CNTN4: variants seen among roughly 807,000 people sequenced by gnomAD.
The protein encoded by CNTN4 is contactin 4, also known as contactin-4.
A neutral mutation model predicts 122.5 loss-of-function variants in CNTN4; 77 were observed. That is an observed-to-expected ratio of 0.63 (90% confidence interval 0.52 to 0.76). The LOEUF is 0.76. Ranked by LOEUF, CNTN4 falls within the 30% of genes least tolerant of loss-of-function variation. The probability of loss-of-function intolerance (pLI) is 0.00; values close to 1 mark genes in which losing one functional copy is unlikely to be tolerated. For missense variants in CNTN4, 1,256 were observed against 1,259.1 expected (o/e 1.00, Z 0.04); for synonymous variants, 512 against 447.0 (o/e 1.15, Z -1.83).
At chr3:2,135,264 A>T (rs2034635554) in intron 2 of CNTN4, among the ~76,000 whole-genome samples, 1 of 152,094 alleles carries the variant, frequency 6.6e-6, no homozygotes, top group African/African-American at 2.4e-5. Flanking sequence ...ACAGGAAGAG[A>T]TGGGGTTAAA....
chr3:2,565,285 G>T (rs1190384699), intron 3 of CNTN4, among the ~76,000 whole-genome samples: 1 of 152,124 alleles, frequency 6.6e-6, no homozygotes, highest in Non-Finnish European at 1.5e-5. Flanking sequence ...ATAATCTAAT[G>T]ATAAAAACCA....
At chr3:2,929,741 G>A (rs377409163) in intron 13 of CNTN4, among the ~76,000 whole-genome samples, 3 of 152,110 alleles carry the variant, frequency 2.0e-5, no homozygotes, top group Non-Finnish European at 2.9e-5. Context: ...CCAATGTATC[G>A]CAATGTCCAC....
At chr3:2,778,079 TG>T (rs71621502) in intron 6 of CNTN4, among the ~76,000 whole-genome samples, 2 of 146,852 alleles carry the variant, frequency 1.4e-5, no homozygotes, top group African/African-American at 2.6e-5. Flanking sequence ...CCGGGCGTGG[TG>T]GCGGGCGCCT....
At chr3:2,116,792 T>G (rs2125169365) in intron 2 of CNTN4, among the ~76,000 whole-genome samples, 1 of 152,304 alleles carries the variant, frequency 6.6e-6, no homozygotes, top group Non-Finnish European at 1.5e-5. Context: ...AAAGACTCTT[T>G]ACTAAACATC....
Position 2,283,145 on chromosome 3 carries a change from C to T in CNTN4, c.-144-56033C>T, listed in dbSNP as rs565271356. Among the ~76,000 whole-genome samples, 11 of 152,052 alleles carry T rather than the reference C, an allele frequency of 7.2e-5. No individual in the cohort carries two copies. In the South Asian group the frequency reaches 1.7e-3, roughly 23 times the overall value. ...AGGTTAAATGGTAAATGTTACATTA[C>T]GTGAATTTTATCTCTAAAAGCATTT... is the stretch of plus-strand genomic sequence containing the variant. On this transcript the variant is annotated intron_variant, in intron 2 of 24. Transcript: ENST00000418658.
At position 2,835,026 on chromosome 3, in the gene CNTN4, T is replaced by C. The variant is rs184509435; in HGVS notation, c.454+15445T>C. On this transcript the variant is annotated intron_variant, in intron 7 of 24. Transcript: ENST00000418658. ...TTCACACCATTCTCCTGCTTCAGCC[T>C]TCCCAGTAGCTGGGACTACAGGCGC... 6.7e-3 allele frequency among the ~76,000 whole-genome samples: 994 copies of C among 148,300 alleles called. 6 individuals are homozygous for C. The highest frequency in any genetic ancestry group is 0.023 in the East Asian group (112 of 4,790).
chr3:2,410,205 C>G (rs1559527950), intron 3 of CNTN4, among the ~76,000 whole-genome samples: 1 of 152,032 alleles, frequency 6.6e-6, no homozygotes, highest in Non-Finnish European at 1.5e-5. Context: ...GATGGAGGAC[C>G]CTCCCATGAA....
intron 3 of CNTN4, among the ~76,000 whole-genome samples, chr3:2,567,335 C>G (rs1018952660): frequency 6.6e-6 from 1 of 151,862 alleles, no homozygotes; most frequent in East Asian, 1.9e-4. Flanking sequence ...ATCCACCCAC[C>G]TCGGCCTCCC....
chr3:2,872,237 G>T (rs904830246), intron 8 of CNTN4, among the ~76,000 whole-genome samples: 44 of 152,278 alleles, frequency 2.9e-4, no homozygotes, highest in African/African-American at 1.1e-3. Flanking sequence ...TGGCTCTTCT[G>T]TCTTTAGCCA....
Position 2,402,282 on chromosome 3 carries a change from G to A in CNTN4, c.-89+63049G>A, listed in dbSNP as rs372901996. ...ACAGAATCTCTCTTATGAGCTTAGG[G>A]ATAAATATTGGGACTTAGACCAAAC... On this transcript the variant is annotated intron_variant, in intron 3 of 24. Coordinates refer to ENST00000418658, the MANE Select transcript of CNTN4 (RefSeq NM_175607.3). 9.2e-5 allele frequency among the ~76,000 whole-genome samples: 14 copies of A among 152,200 alleles called. 1 individual carries two copies. In the South Asian group the frequency reaches 2.7e-3, roughly 29 times the overall value.
At chr3:3,029,685 G>A (rs951290113) in intron 15 of CNTN4, among the ~76,000 whole-genome samples, 1 of 152,124 alleles carries the variant, frequency 6.6e-6, no homozygotes, top group African/African-American at 2.4e-5. Context: ...GGACTATATG[G>A]GTTCAAATCC....
intron 3 of CNTN4, among the ~76,000 whole-genome samples, chr3:2,400,418 T>TATATATAC (rs1553640888): frequency 3.1e-5 from 2 of 64,144 alleles, no homozygotes; most frequent in African/African-American, 4.5e-5. Context: ...TATATATATA[T>TATATATAC]ATATATATAC....
chr3:2,189,171 T>C, intron 2 of CNTN4, among the ~76,000 whole-genome samples: 1 of 152,198 alleles, frequency 6.6e-6, no homozygotes, highest in Non-Finnish European at 1.5e-5. Context: ...AAATGCTTAT[T>C]GACATCCAGG....
intron 24 of CNTN4, 30 bp downstream of exon 24, chr3:3,054,005 C>A (rs775913695): frequency 1.9e-6 from 3 of 1,610,770 alleles, no homozygotes; most frequent in East Asian, 4.5e-5. Context: ...TCCCTTTTCT[C>A]CTGCCTGTCT....
intron 12 of CNTN4, among the ~76,000 whole-genome samples, chr3:2,925,379 C>T (rs558845258): frequency 4.6e-5 from 7 of 152,104 alleles, no homozygotes; most frequent in South Asian, 2.1e-4. Context: ...CATGGTGAAA[C>T]GCCATCACTA....
intron 3 of CNTN4, among the ~76,000 whole-genome samples, chr3:2,355,641 G>A (rs1190786893): frequency 6.6e-6 from 1 of 151,970 alleles, no homozygotes; most frequent in Non-Finnish European, 1.5e-5. Flanking sequence ...TTTCATCTTT[G>A]CAGTTTCTTC....
intron 3 of CNTN4, among the ~76,000 whole-genome samples, chr3:2,415,614 A>G (rs2047383304): frequency 6.6e-6 from 1 of 152,176 alleles, no homozygotes; most frequent in African/African-American, 2.4e-5. Context: ...TGCTTGGTAT[A>G]CATTTCTGTG....
intron 6 of CNTN4, among the ~76,000 whole-genome samples, chr3:2,768,015 G>C (rs1232302413): frequency 6.6e-6 from 1 of 152,168 alleles, no homozygotes; most frequent in South Asian, 2.1e-4. Context: ...TGTTACATTT[G>C]GTTGAGGCTT....
intron 2 of CNTN4, among the ~76,000 whole-genome samples, chr3:2,259,931 T>C (rs2040757220): frequency 6.6e-6 from 1 of 152,204 alleles, no homozygotes; most frequent in Admixed American, 6.5e-5. Flanking sequence ...GTTGTGTGTG[T>C]GTCCACTGTT....
Sources: allele counts gnomAD v4.1 joint callset (sites outside exome capture counted in the v4.1 genomes callset), GRCh38; gene constraint gnomAD v4.1.1; transcripts MANE v1.5; gene names NCBI Gene and HGNC (gene_info 2026-07-23, HGNC 2026-07-21).